The following OSBP2 variants were observed in gnomAD, a reference collection of about 807,000 sequenced individuals.
The protein encoded by OSBP2 is oxysterol-binding protein 2.
A neutral mutation model predicts 96.0 loss-of-function variants in OSBP2; 66 were observed. The ratio of observed to expected loss-of-function variants is 0.69; its 90% CI spans 0.56 to 0.84. OSBP2 has a LOEUF of 0.84. OSBP2 is among the 40% of genes least tolerant of loss of function. The probability of loss-of-function intolerance (pLI) is 0.00; values close to 1 mark genes in which losing one functional copy is unlikely to be tolerated. For missense variants in OSBP2, 1,038 were observed against 1,222.7 expected (o/e 0.85, Z 2.25); for synonymous variants, 525 against 520.9 (o/e 1.01, Z -0.11).
chr22:30,893,978 G>A lies in OSBP2; in HGVS notation c.2352G>A (p.Leu784=), dbSNP rs1246967955. 4 of 1,598,612 alleles carry A rather than the reference G, an allele frequency of 2.5e-6. No individual in the cohort carries two copies. The South Asian group carries it at 4.5e-5, about 18-fold the overall frequency. The part of the protein sequence containing the change: ...KTVYQTLSAK[L]LWKKYPLPEN... ...TGTACCAGACCCTGTCAGCCAAGCT[G>A]CTGTGGAAGAAGTACCCGCTGCCGT... Residue 784 remains leucine (L), a synonymous_variant, in exon 12 of 14, where the codon CTG becomes CTA. Coordinates refer to ENST00000332585, the MANE Select transcript of OSBP2 (RefSeq NM_030758.4).
chr22:30,824,937 C>G (rs1458966833), intron 2 of OSBP2, among the ~76,000 whole-genome samples: 5 of 152,182 alleles, frequency 3.3e-5, no homozygotes, highest in Non-Finnish European at 7.3e-5. Context: ...AGCCTGGCTT[C>G]TTGTCCTGAC....
At chr22:30,802,816 G>A (rs376624316) in intron 2 of OSBP2, among the ~76,000 whole-genome samples, 14 of 152,352 alleles carry the variant, frequency 9.2e-5, no homozygotes, top group African/African-American at 3.1e-4. Context: ...GAGGCTGGAG[G>A]AATGAGGACG....
At chr22:30,761,161 G>A (rs906825176) in intron 2 of OSBP2, among the ~76,000 whole-genome samples, 2 of 152,148 alleles carry the variant, frequency 1.3e-5, no homozygotes, top group Non-Finnish European at 2.9e-5. Context: ...TGGGAAGAAA[G>A]AAACAGAGCT....
chr22:30,875,838 G>C (rs2039566920), intron 3 of OSBP2, among the ~76,000 whole-genome samples: 1 of 152,262 alleles, frequency 6.6e-6, no homozygotes. Context: ...TTTGACATCA[G>C]ACCTTAGCAG....
At chr22:30,706,568 A>C (rs1034970484) in intron 1 of OSBP2, among the ~76,000 whole-genome samples, 1 of 152,206 alleles carries the variant, frequency 6.6e-6, no homozygotes, top group Non-Finnish European at 1.5e-5. Flanking sequence ...TTGAAGCAGC[A>C]GGAGGTGCCG....
chr22:30,890,921 C>T lies in OSBP2; in HGVS notation c.1817C>T (p.Thr606Ile). The T allele has an allele frequency of 1.9e-6, 3 of 1,612,730 alleles. No homozygotes were observed. The highest frequency in any genetic ancestry group is 2.5e-6 in the Non-Finnish European group (3 of 1,180,024). Residue 606 changes from threonine (T) to isoleucine (I), a missense_variant, in exon 8 of 14, where the codon ACC (threonine) becomes ATC (isoleucine). Coordinates refer to ENST00000332585, the MANE Select transcript of OSBP2 (RefSeq NM_030758.4). This position sits in a 1 kb window ranked among gnomAD's most constrained non-coding sequence, Gnocchi z 4.4. ...CCCTTCAACCCCATGCTGGGGGAGACCTTCGAGCTGGACCGCCTCGACGAC... is the reference window on the plus strand; with the variant it reads ...CCCTTCAACCCCATGCTGGGGGAGATCTTCGAGCTGGACCGCCTCGACGAC... ...AKPFNPMLGE[T>I]FELDRLDDMG... is the part of the protein sequence containing the mutation.
chr22:30,906,465 T>A lies in OSBP2; in HGVS notation c.*126T>A. On this transcript the variant is annotated 3_prime_UTR_variant, in exon 14 of 14. Coordinates refer to ENST00000332585, the MANE Select transcript of OSBP2 (RefSeq NM_030758.4). ...CCAGCCCTTCCTATTTCCTTTCCTA[T>A]TTTTTTTTTCTCCCCACACTTTCTT... 1 of 950,140 alleles carries A rather than the reference T, an allele frequency of 1.1e-6. No individual in the cohort carries two copies. Among genetic ancestry groups the A allele is most frequent in the Non-Finnish European group, 1.4e-6 (1 of 710,216 alleles). The allele number at this position is 950,140 out of a possible 1,614,324, so 58.9% of individuals were successfully genotyped here.
At chr22:30,716,708 G>T (rs1184109630) in intron 1 of OSBP2, among the ~76,000 whole-genome samples, 1 of 152,156 alleles carries the variant, frequency 6.6e-6, no homozygotes, top group African/African-American at 2.4e-5. Context: ...AAAATGCTGG[G>T]ATTACAGGTG....
rs977714507 is a variant in OSBP2 at position 30,841,526 on chromosome 22, C to T, written c.854-28903C>T. On this transcript the variant is annotated intron_variant, in intron 2 of 13. Transcript: ENST00000332585. ...TCCTTTGTACTGTTGAGTAAGATTC[C>T]GTGACGTAGATACAGTCATACCTCG... Among the ~76,000 whole-genome samples, 10 of 152,242 alleles carry T rather than the reference C, an allele frequency of 6.6e-5. No homozygotes were observed. The East Asian group carries it at 1.7e-3, about 26-fold the overall frequency.
intron 2 of OSBP2, among the ~76,000 whole-genome samples, chr22:30,834,172 C>T (rs1458751682): frequency 6.6e-6 from 1 of 152,074 alleles, no homozygotes; most frequent in Non-Finnish European, 1.5e-5. Context: ...ACTTCAGCCT[C>T]CCAACTTTAT....
intron 2 of OSBP2, among the ~76,000 whole-genome samples, chr22:30,748,977 ATAG>A (rs1233342750): frequency 6.6e-6 from 1 of 152,198 alleles, no homozygotes; most frequent in East Asian, 1.9e-4. Context: ...TTAGCTGGGC[ATAG>A]TAGCGCACGC....
At chr22:30,793,285 G>A (rs1183283396) in intron 2 of OSBP2, among the ~76,000 whole-genome samples, 3 of 152,098 alleles carry the variant, frequency 2.0e-5, no homozygotes, top group African/African-American at 4.8e-5. Context: ...AGCTACTCAG[G>A]AGGCTGAGGC....
intron 3 of OSBP2, among the ~76,000 whole-genome samples, chr22:30,883,337 T>C (rs2039740619): frequency 6.6e-6 from 1 of 152,210 alleles, no homozygotes; most frequent in Non-Finnish European, 1.5e-5. Context: ...ACTGACCCGA[T>C]TAGCCCCTTC....
chr22:30,839,836 C>T lies in OSBP2; in HGVS notation c.854-30593C>T, dbSNP rs528463054. On this transcript the variant is annotated intron_variant, in intron 2 of 13. Coordinates refer to ENST00000332585, the MANE Select transcript of OSBP2 (RefSeq NM_030758.4). ...TAGTTTCTTTTGCTGTGCAGAAGCT[C>T]TTTAGTTTAATTAGATCCCATTTGT... 7.2e-4 allele frequency among the ~76,000 whole-genome samples: 110 copies of T among 152,020 alleles called. 4 individuals carry two copies. The South Asian group carries it at 0.021, about 29-fold the overall frequency.
chr22:30,807,909 C>T (rs1160628210), intron 2 of OSBP2, among the ~76,000 whole-genome samples: 1 of 152,196 alleles, frequency 6.6e-6, no homozygotes, highest in African/African-American at 2.4e-5. Context: ...CCTTAGCCTC[C>T]TGAGTAGCTG....
chr22:30,727,883 G>T (rs923430965), intron 1 of OSBP2, among the ~76,000 whole-genome samples: 2 of 151,864 alleles, frequency 1.3e-5, no homozygotes, highest in Admixed American at 6.6e-5. Context: ...GAGGCGGGTG[G>T]ATCACAAGGT....
chr22:30,884,773 G>A (rs965426689), intron 3 of OSBP2, among the ~76,000 whole-genome samples: 12 of 152,134 alleles, frequency 7.9e-5, no homozygotes, highest in Non-Finnish European at 1.0e-4. Flanking sequence ...TCCTGAGGCC[G>A]CCTCAGGACA....
At chr22:30,792,416 A>G (rs2090688314) in intron 2 of OSBP2, among the ~76,000 whole-genome samples, 1 of 152,200 alleles carries the variant, frequency 6.6e-6, no homozygotes, top group Non-Finnish European at 1.5e-5. Flanking sequence ...TATTGTTTAC[A>G]GAAGAAACTG....
chr22:30,858,120 GT>G (rs148749673), intron 2 of OSBP2, among the ~76,000 whole-genome samples: 4 of 132,836 alleles, frequency 3.0e-5, no homozygotes, highest in Non-Finnish European at 4.7e-5. Flanking sequence ...GATTCACTTT[GT>G]TTTTTTTTTG....
Sources: allele counts gnomAD v4.1 joint callset (sites outside exome capture counted in the v4.1 genomes callset), GRCh38; gene constraint gnomAD v4.1.1; non-coding constraint Gnocchi (gnomAD v3.1); transcripts MANE v1.5; gene names NCBI Gene and HGNC (gene_info 2026-07-23, HGNC 2026-07-21).